Variants in HOTAIR observed in about 807,000 individuals in gnomAD.
HOTAIR encodes HOX transcript antisense RNA, also known as HOX transcript antisense RNA (non-protein coding).
rs544712847 is a variant in HOTAIR at position 53,974,034 on chromosome 12, A to G, written n.59+864T>C. On this transcript the variant is annotated intron_variant and non_coding_transcript_variant, in intron 1 of 6. Coordinates refer to ENST00000424518, the Ensembl canonical transcript of HOTAIR. ...CGGGGACGGCCTCGTGTTTTGGGTC[A>G]GTCCGATTTTATGTGGAGTTTTATA... is the stretch of plus-strand genomic sequence containing the variant. The G allele has an allele frequency of 1.3e-3, 1,142 of 866,226 alleles. 2 individuals carry two copies. The highest frequency in any genetic ancestry group is 1.8e-3 in the Non-Finnish European group (1,079 of 596,940). The allele number at this position is 866,226 out of a possible 1,614,324, so 53.7% of individuals were successfully genotyped here. A position where few individuals can be genotyped will look rare whatever the true frequency, so the allele number is the denominator to read the frequency against.
intron 1 of HOTAIR, among the ~76,000 whole-genome samples, chr12:53,972,416 G>A (rs529649251): frequency 2.9e-4 from 44 of 152,334 alleles, no homozygotes; most frequent in African/African-American, 9.1e-4. Flanking sequence ...GCCAGGCACC[G>A]GCTGGGCGGC....
At chr12:53,974,462 T>C (rs989112087) in intron 1 of HOTAIR, among the ~76,000 whole-genome samples, 3 of 152,086 alleles carry the variant, frequency 2.0e-5, no homozygotes, top group Non-Finnish European at 4.4e-5. Flanking sequence ...TTAAAACTAG[T>C]TTTGAAAATG....
intron 5 of HOTAIR, among the ~76,000 whole-genome samples, chr12:53,965,664 G>A (rs1030880989): frequency 9.9e-5 from 15 of 152,144 alleles, no homozygotes; most frequent in African/African-American, 3.6e-4. Flanking sequence ...GAGAACCCAG[G>A]GAAGCTATGA....
At chr12:53,971,846 A>T (rs1303311058) in intron 1 of HOTAIR, among the ~76,000 whole-genome samples, 1 of 152,230 alleles carries the variant, frequency 6.6e-6, no homozygotes, top group African/African-American at 2.4e-5. Context: ...GGGGATGCAG[A>T]ATGACTGAGC....
chr12:53,973,697 C>G lies in HOTAIR; in HGVS notation n.59+1201G>C, dbSNP rs574460509. ...ACAGCGTCCTGCCTCAAGCCTTCGA[C>G]CGTTTCTTCGACAACGCCTACTGCG... On this transcript the variant is annotated intron_variant and non_coding_transcript_variant, in intron 1 of 6. Coordinates refer to ENST00000424518, the Ensembl canonical transcript of HOTAIR. The surrounding 1 kb of genome is among the most constrained non-coding windows in gnomAD (Gnocchi z 4.3). The G allele has an allele frequency of 1.2e-6, 2 of 1,613,688 alleles. No homozygotes were observed. The highest frequency in any genetic ancestry group is 1.7e-6 in the Non-Finnish European group (2 of 1,180,032).
In HOTAIR at chr12:53,973,210, C is replaced by T. The variant is rs750802083; in HGVS notation, n.59+1688G>A. On this transcript the variant is annotated intron_variant and non_coding_transcript_variant, in intron 1 of 6. Coordinates refer to ENST00000424518, the Ensembl canonical transcript of HOTAIR. This position sits in a 1 kb window ranked among gnomAD's most constrained non-coding sequence, Gnocchi z 4.3. ...CCCCCTCGCTAGACCGGGTCCAAAACCTCCATCCGGAGCCGGCAGGAGAGG... is the reference window on the plus strand; with the variant it reads ...CCCCCTCGCTAGACCGGGTCCAAAATCTCCATCCGGAGCCGGCAGGAGAGG... 2.6e-6 allele frequency: 4 copies of T among 1,520,168 alleles called. No individual in the cohort carries two copies. The South Asian group carries it at 5.2e-5, about 20-fold the overall frequency. The allele number at this position is 1,520,168 out of a possible 1,614,324, so 94.2% of individuals were successfully genotyped here.
At chr12:53,970,089 G>A (rs893618422) in intron 1 of HOTAIR, among the ~76,000 whole-genome samples, 1 of 152,266 alleles carries the variant, frequency 6.6e-6, no homozygotes, top group Non-Finnish European at 1.5e-5. Context: ...TGCCCAGACC[G>A]CAGCCGCCTG....
At position 53,973,735 on chromosome 12, in the gene HOTAIR, C is replaced by A; in HGVS notation, n.59+1163G>T. The A allele has an allele frequency of 6.2e-7, 1 of 1,612,796 alleles. No individual in the cohort carries two copies. The highest frequency in any genetic ancestry group is 8.5e-7 in the Non-Finnish European group (1 of 1,179,794). On this transcript the variant is annotated intron_variant and non_coding_transcript_variant, in intron 1 of 6. Transcript: ENST00000424518. The surrounding 1 kb of genome is among the most constrained non-coding windows in gnomAD (Gnocchi z 4.3). Reference sequence around the variant, plus strand: ...AACGCCTACTGCGGTGGCGGCGACCCGCCCGCCGAGCCCCCCTGCTCCGGC... The same window carrying A: ...AACGCCTACTGCGGTGGCGGCGACCAGCCCGCCGAGCCCCCCTGCTCCGGC...
intron 1 of HOTAIR, among the ~76,000 whole-genome samples, chr12:53,969,351 G>A (rs1173474707): frequency 6.6e-6 from 1 of 152,194 alleles, no homozygotes; most frequent in African/African-American, 2.4e-5. Flanking sequence ...GAAGCTGGGT[G>A]GGGCCTGTGG....
At chr12:53,974,665 C>T (rs539418534) in intron 1 of HOTAIR, among the ~76,000 whole-genome samples, 1 of 150,814 alleles carries the variant, frequency 6.6e-6, no homozygotes, top group African/African-American at 2.4e-5. Context: ...GCGGGCTTCC[C>T]GGGGCGCCAG....
At chr12:53,970,154 A>G (rs1939124825) in intron 1 of HOTAIR, among the ~76,000 whole-genome samples, 1 of 152,202 alleles carries the variant, frequency 6.6e-6, no homozygotes. Flanking sequence ...GCCAGTGGGG[A>G]GGGCCGGATG....
At chr12:53,974,497 T>G (rs1343599952) in intron 1 of HOTAIR, among the ~76,000 whole-genome samples, 1 of 152,002 alleles carries the variant, frequency 6.6e-6, no homozygotes, top group Non-Finnish European at 1.5e-5. Flanking sequence ...TCGCGGGTCC[T>G]CGAGCAGAAA....
rs554775363 is a variant in HOTAIR at position 53,970,492 on chromosome 12, C to G, written n.60-1736G>C. 2.6e-5 allele frequency among the ~76,000 whole-genome samples: 4 copies of G among 152,320 alleles called. No homozygotes were observed. In the South Asian group the frequency reaches 8.3e-4, roughly 32 times the overall value. On this transcript the variant is annotated intron_variant and non_coding_transcript_variant, in intron 1 of 6. Coordinates refer to ENST00000424518, the Ensembl canonical transcript of HOTAIR. The stretch of plus-strand genomic sequence containing the variant: ...AGTGGCCAGGGCCTTCTTTCCTTGA[C>G]CGTAGCAGCAACTGACAGTTGCTAG...
At chr12:53,969,941 T>C (rs757780146) in intron 1 of HOTAIR, among the ~76,000 whole-genome samples, 20 of 152,228 alleles carry the variant, frequency 1.3e-4, no homozygotes, top group Non-Finnish European at 2.2e-4. Context: ...CAACGCTGTG[T>C]GCGGGAGTTT....
chr12:53,974,127 A>C (rs978707430), intron 1 of HOTAIR, among the ~76,000 whole-genome samples: 2 of 149,196 alleles, frequency 1.3e-5, no homozygotes, highest in Non-Finnish European at 3.0e-5. Context: ...TTTACGATGG[A>C]GAAGGGGTGG....
chr12:53,974,033 C>T (rs1026863457), intron 1 of HOTAIR: 147 of 878,460 alleles, frequency 1.7e-4, no homozygotes, highest in South Asian at 8.4e-4. Context: ...TGTTTTGGGT[C>T]AGTCCGATTT....
intron 3 of HOTAIR, chr12:53,966,681 G>T (rs1376703340): frequency 2.6e-5 from 4 of 152,334 alleles, no homozygotes; most frequent in Admixed American, 2.0e-4. Flanking sequence ...CAGTGCGGGG[G>T]CAGCGATCCC....
chr12:53,965,205 G>A (rs771142116), intron 5 of HOTAIR, among the ~76,000 whole-genome samples: 4 of 152,234 alleles, frequency 2.6e-5, no homozygotes, highest in Non-Finnish European at 5.9e-5. Context: ...GGGGCTGAAA[G>A]CCAGAGAAGG....
chr12:53,971,494 T>C (rs1218197915), intron 1 of HOTAIR, among the ~76,000 whole-genome samples: 3 of 152,208 alleles, frequency 2.0e-5, no homozygotes, highest in Non-Finnish European at 4.4e-5. Flanking sequence ...CCTTATCTGG[T>C]TTGGGAGCCG....
Sources: gnomAD v4.1 joint callset for allele counts (sites outside exome capture counted in the v4.1 genomes callset) on GRCh38, gnomAD v4.1.1 for gene constraint, Gnocchi (gnomAD v3.1) non-coding constraint, MANE v1.5 for transcripts, NCBI Gene and HGNC (gene_info 2026-07-23, HGNC 2026-07-21) for gene names.